Variants in AFF2 observed in about 807,000 individuals in gnomAD.
The protein encoded by AFF2 is ALF transcription elongation factor 2.
In AFF2, 14 loss-of-function variants were observed where a neutral mutation model predicts 76.9. The observed-to-expected ratio is 0.18, with a 90% CI of 0.12 to 0.28. The LOEUF (loss-of-function observed/expected upper bound fraction) is 0.28. Among genes scored for constraint, AFF2 ranks in the 10% least tolerant of loss-of-function variants. The pLI is 1.00. For missense variants in AFF2, 868 were observed against 1,001.1 expected (o/e 0.87, Z 1.79); for synonymous variants, 398 against 366.7 (o/e 1.09, Z -0.98).
rs375841540 is a variant in AFF2, at chrX:148,885,874, C to G, written c.1263-15C>G. On this transcript the variant is annotated splice_polypyrimidine_tract_variant and intron_variant, in intron 7 of 20. Transcript: ENST00000370460. ...TATGCCTTCTAACTCAAACACCACT[C>G]TGATCTCTTTGTAGGATGCTTGAGG... 5.9e-6 allele frequency: 7 copies of G among 1,192,855 alleles called. No homozygotes were observed. The highest frequency in any genetic ancestry group is 8.0e-6 in the Non-Finnish European group (7 of 880,093).
At chrX:148,793,107 A>G (rs940206511) in intron 3 of AFF2, among the ~76,000 whole-genome samples, 3 of 111,795 alleles carry the variant, frequency 2.7e-5, no homozygotes, top group African/African-American at 9.8e-5. Flanking sequence ...TGTTTTGAAC[A>G]TGGCTATGAC....
At chrX:148,672,007 C>T (rs781836273) in intron 3 of AFF2, among the ~76,000 whole-genome samples, 246 of 111,190 alleles carry the variant, frequency 2.2e-3, no homozygotes, top group African/African-American at 7.9e-3. Context: ...CTGGATATAT[C>T]GATTAGTTCA....
intron 1 of AFF2, among the ~76,000 whole-genome samples, chrX:148,591,428 A>G (rs1047435828): frequency 1.1e-4 from 12 of 112,499 alleles, no homozygotes; most frequent in Non-Finnish European, 2.1e-4. Flanking sequence ...TTAACCAACA[A>G]GAGCCTCAGT....
chrX:148,663,957 C>T (rs2054333382), intron 3 of AFF2, among the ~76,000 whole-genome samples: 1 of 111,939 alleles, frequency 8.9e-6, no homozygotes, highest in Non-Finnish European at 1.9e-5. Flanking sequence ...ATTTCTGAGG[C>T]AGTTTTGCTT....
At chrX:148,649,467 G>A (rs956168262) in intron 1 of AFF2, among the ~76,000 whole-genome samples, 1 of 112,623 alleles carries the variant, frequency 8.9e-6, no homozygotes, top group Non-Finnish European at 1.9e-5. Flanking sequence ...GAGCAGTGGA[G>A]CTCTGTGGAG....
At chrX:148,647,688 GA>G (rs782427861) in intron 1 of AFF2, among the ~76,000 whole-genome samples, 1 of 111,734 alleles carries the variant, frequency 8.9e-6, no homozygotes, top group Non-Finnish European at 1.9e-5. Context: ...ACAGGAGGCA[GA>G]AGGGACAAAC....
chrX:148,595,533 G>T (rs1202462455), intron 1 of AFF2, among the ~76,000 whole-genome samples: 7 of 111,948 alleles, frequency 6.3e-5, no homozygotes, highest in Non-Finnish European at 1.9e-5. Context: ...GTATTGACAG[G>T]ATTTATGCAG....
intron 4 of AFF2, among the ~76,000 whole-genome samples, chrX:148,835,302 A>T (rs2070507592): frequency 9.0e-6 from 1 of 111,103 alleles, no homozygotes; most frequent in African/African-American, 3.3e-5. Flanking sequence ...TCTGGAAGAG[A>T]CTTACCTGCT....
At chrX:148,572,385 G>A (rs2053239418) in intron 1 of AFF2, among the ~76,000 whole-genome samples, 1 of 111,907 alleles carries the variant, frequency 8.9e-6, no homozygotes, top group Non-Finnish European at 1.9e-5. Flanking sequence ...ATTTTCATGT[G>A]ACCCAACAAT....
intron 8 of AFF2, among the ~76,000 whole-genome samples, chrX:148,901,683 T>C (rs781887261): frequency 8.9e-6 from 1 of 112,550 alleles, no homozygotes; most frequent in South Asian, 3.7e-4. Context: ...ATAATTCACA[T>C]ATCATTTGCA....
At chrX:148,925,525 C>T (rs58203686) in intron 9 of AFF2, among the ~76,000 whole-genome samples, 1,691 of 111,953 alleles carry the variant, frequency 0.015, 34 homozygotes, top group African/African-American at 0.052. Flanking sequence ...GAATGCTGGC[C>T]GATGGCTCTG....
At chrX:148,832,820 T>G (rs2070470304) in intron 4 of AFF2, among the ~76,000 whole-genome samples, 1 of 111,650 alleles carries the variant, frequency 9.0e-6, no homozygotes, top group Non-Finnish European at 1.9e-5. Context: ...GCCACCCACA[T>G]AGCTTTTGGC....
At chrX:148,853,479 C>T (rs1557275613) in intron 7 of AFF2, among the ~76,000 whole-genome samples, 1 of 111,679 alleles carries the variant, frequency 9.0e-6, no homozygotes, top group East Asian at 2.8e-4. Context: ...ATTACTCAGA[C>T]TCTGTAGCGA....
chrX:148,787,365 C>G (rs1222202300), intron 3 of AFF2, among the ~76,000 whole-genome samples: 3 of 111,010 alleles, frequency 2.7e-5, no homozygotes, highest in African/African-American at 9.8e-5. Context: ...TTTGGACAGT[C>G]CAAGTTGCCT....
At chrX:148,508,376 A>G (rs1461517784) in intron 1 of AFF2, among the ~76,000 whole-genome samples, 1 of 111,858 alleles carries the variant, frequency 8.9e-6, no homozygotes, top group Non-Finnish European at 1.9e-5. Flanking sequence ...TCTTTTTTGT[A>G]TAAGTAAAAA....
chrX:148,987,780 C>T (rs61688867), intron 20 of AFF2, among the ~76,000 whole-genome samples: 1 of 111,713 alleles, frequency 9.0e-6, no homozygotes, highest in Non-Finnish European at 1.9e-5. Context: ...AGCTTAAACT[C>T]ATTTGAACTG....
chrX:148,755,888 T>C (rs2055556155), intron 3 of AFF2, among the ~76,000 whole-genome samples: 1 of 111,815 alleles, frequency 8.9e-6, no homozygotes, highest in Non-Finnish European at 1.9e-5. Flanking sequence ...GGAAAATTAG[T>C]GGGGCAGAAC....
At chrX:148,895,318 A>G (rs2124178007) in intron 8 of AFF2, among the ~76,000 whole-genome samples, 1 of 111,765 alleles carries the variant, frequency 8.9e-6, no homozygotes, top group South Asian at 3.8e-4. Flanking sequence ...ACCAAGTTAC[A>G]ATTGGCAACA....
At chrX:148,699,470 G>A (rs1387755621) in intron 3 of AFF2, among the ~76,000 whole-genome samples, 26 of 111,588 alleles carry the variant, frequency 2.3e-4, no homozygotes, top group Admixed American at 1.1e-3. Flanking sequence ...TTTGAAAATA[G>A]CATCTATAAT....
Sources: gnomAD v4.1 joint callset for allele counts (sites outside exome capture counted in the v4.1 genomes callset) on GRCh38, gnomAD v4.1.1 for gene constraint, MANE v1.5 for transcripts, NCBI Gene and HGNC (gene_info 2026-07-23, HGNC 2026-07-21) for gene names.